Variants in RASGRF2 observed in about 807,000 individuals in gnomAD.
The protein encoded by RASGRF2 is ras-specific guanine nucleotide-releasing factor 2.
In RASGRF2, 76 loss-of-function variants were observed where a neutral mutation model predicts 151.0. That is an observed-to-expected ratio of 0.50 (90% CI 0.42 to 0.61). The LOEUF is 0.61. Ranked by LOEUF, RASGRF2 falls within the 20% of genes least tolerant of loss-of-function variation. The pLI, the probability that RASGRF2 is intolerant of heterozygous loss-of-function variation, is 0.00. For missense variants in RASGRF2, 1,148 were observed against 1,564.6 expected, an observed-to-expected ratio of 0.73 and a Z score of 4.49; for synonymous variants, 504 against 566.5, an observed-to-expected ratio of 0.89 and a Z score of 1.57.
chr5:81,191,941 G>A lies in RASGRF2; in HGVS notation c.2794-9389G>A, dbSNP rs191019833. Among the ~76,000 whole-genome samples the A allele has an allele frequency of 9.2e-5, 14 of 152,168 alleles. No homozygotes were observed. In the East Asian group the frequency reaches 1.9e-3, roughly 21 times the overall value. The stretch of plus-strand genomic sequence containing the variant: ...TTAGTGTCATTCATTGCCATTTGCC[G>A]CTTCCCAGTTATTTTTGTTCTAACA... On this transcript the variant is annotated intron_variant, in intron 18 of 26. Transcript: ENST00000265080.
intron 1 of RASGRF2, among the ~76,000 whole-genome samples, chr5:80,983,654 A>G (rs1372294007): frequency 6.6e-6 from 1 of 152,228 alleles, no homozygotes; most frequent in Non-Finnish European, 1.5e-5. Flanking sequence ...TGCACTGTTC[A>G]TTATGGTAGC....
At chr5:81,101,227 G>A (rs191857612) in intron 12 of RASGRF2, among the ~76,000 whole-genome samples, 3 of 152,262 alleles carry the variant, frequency 2.0e-5, no homozygotes, top group Non-Finnish European at 2.9e-5. Flanking sequence ...TAAGTGAACT[G>A]TATACAGGCA....
intron 19 of RASGRF2, among the ~76,000 whole-genome samples, chr5:81,202,541 G>A (rs182841820): frequency 3.3e-4 from 50 of 152,294 alleles, no homozygotes; most frequent in Middle Eastern, 3.4e-3. Flanking sequence ...TAGCCAGACC[G>A]TTCTTTGGTG....
At chr5:81,208,529 A>T in intron 22 of RASGRF2, 91 bp downstream of exon 22, 1 of 365,286 alleles carries the variant, frequency 2.7e-6, no homozygotes, top group Non-Finnish European at 4.4e-6. Flanking sequence ...CAACTCTGTC[A>T]CCCACTTTTT....
At position 81,208,438 on chromosome 5, in the gene RASGRF2, C is replaced by T. The variant is rs61759867; in HGVS notation, c.3156C>T (p.Asp1052=). The T allele has an allele frequency of 3.1e-5, 49 of 1,595,986 alleles. No homozygotes were observed. Among genetic ancestry groups the T allele is most frequent in the East Asian group, 6.9e-5 (3 of 43,476 alleles). The change falls in exon 22 of 27, where the codon GAC becomes GAT. Residue 1052 remains aspartate, a splice_region_variant and synonymous_variant. Coordinates refer to ENST00000265080, the MANE Select transcript of RASGRF2 (RefSeq NM_006909.3). ...TGAAAACCAGCCAACACTTCAATGA[C>T]GTGAGTAACCGTAACAGTAAAACCG... ...YIMKTSQHFN[D]MSNLVASQIM... is the part of the protein sequence containing the mutation.
chr5:81,123,464 G>T (rs1280333780), intron 15 of RASGRF2, among the ~76,000 whole-genome samples, 178 bp from the exon 16 acceptor site: 2 of 152,214 alleles, frequency 1.3e-5, no homozygotes, highest in Non-Finnish European at 2.9e-5. Context: ...CATCAAGACA[G>T]GGTTAGAGAA....
chr5:81,022,842 G>A (rs1046828873), intron 1 of RASGRF2, among the ~76,000 whole-genome samples: 1 of 152,174 alleles, frequency 6.6e-6, no homozygotes, highest in Non-Finnish European at 1.5e-5. Context: ...GTGTTTCACC[G>A]CTGTGACATC....
chr5:81,182,297 G>T (rs1561248892), intron 18 of RASGRF2, among the ~76,000 whole-genome samples: 2 of 152,206 alleles, frequency 1.3e-5, no homozygotes, highest in East Asian at 1.9e-4. Flanking sequence ...GCCCAAGGAA[G>T]TTCTTCCCAT....
chr5:81,178,777 C>T (rs1406737574), intron 17 of RASGRF2, among the ~76,000 whole-genome samples: 1 of 151,808 alleles, frequency 6.6e-6, no homozygotes, highest in Non-Finnish European at 1.5e-5. Context: ...CTCGCTCTGT[C>T]GCCCATGCTG....
intron 9 of RASGRF2, among the ~76,000 whole-genome samples, chr5:81,090,965 T>C (rs887084995): frequency 6.6e-6 from 1 of 152,162 alleles, no homozygotes; most frequent in Non-Finnish European, 1.5e-5. Flanking sequence ...AGTCTTTCAC[T>C]CAGCCCTAAG....
intron 1 of RASGRF2, among the ~76,000 whole-genome samples, chr5:81,011,676 G>A (rs1299876978): frequency 1.3e-5 from 2 of 151,918 alleles, no homozygotes; most frequent in African/African-American, 4.8e-5. Context: ...GGGAGGCGGA[G>A]GTTGCCATGA....
At chr5:81,159,040 A>C (rs1754322980) in intron 17 of RASGRF2, among the ~76,000 whole-genome samples, 1 of 152,248 alleles carries the variant, frequency 6.6e-6, no homozygotes, top group Non-Finnish European at 1.5e-5. Context: ...GAAACAATCC[A>C]AATGTCCATC....
chr5:81,092,022 G>A (rs1255314544), intron 9 of RASGRF2, among the ~76,000 whole-genome samples: 1 of 152,082 alleles, frequency 6.6e-6, no homozygotes, highest in Non-Finnish European at 1.5e-5. Context: ...AACTTAGATT[G>A]GAATTTTATT....
intron 17 of RASGRF2, among the ~76,000 whole-genome samples, chr5:81,138,022 G>A (rs116031781): frequency 0.017 from 2,602 of 151,442 alleles, 78 homozygotes; most frequent in African/African-American, 0.06. Flanking sequence ...AGGAACCAAG[G>A]GCTTCAAATT....
intron 25 of RASGRF2, among the ~76,000 whole-genome samples, chr5:81,218,240 T>TC (rs1329147295): frequency 6.6e-6 from 1 of 152,156 alleles, no homozygotes; most frequent in African/African-American, 2.4e-5. Context: ...TGTGGGCTGA[T>TC]TGAGGAGATT....
chr5:81,011,464 C>T (rs536300555), intron 1 of RASGRF2, among the ~76,000 whole-genome samples: 4 of 151,980 alleles, frequency 2.6e-5, no homozygotes, highest in East Asian at 1.9e-4. Flanking sequence ...ACTTGGGGCC[C>T]GGCACGGTGG....
chr5:81,170,123 TCACCTGCAC>T (rs1473698898), intron 17 of RASGRF2, among the ~76,000 whole-genome samples: 7 of 145,268 alleles, frequency 4.8e-5, no homozygotes, highest in Admixed American at 2.0e-4. Context: ...ACCACCAGCA[TCACCTGCAC>T]CACCTGCATC....
chr5:81,177,857 G>T (rs982644869), intron 17 of RASGRF2, among the ~76,000 whole-genome samples: 4 of 152,140 alleles, frequency 2.6e-5, no homozygotes, highest in African/African-American at 9.7e-5. Flanking sequence ...ATGTGCAAAG[G>T]CCCTGGGGTA....
chr5:81,032,345 A>G (rs926595556), intron 1 of RASGRF2, among the ~76,000 whole-genome samples: 1 of 152,226 alleles, frequency 6.6e-6, no homozygotes, highest in Non-Finnish European at 1.5e-5. Context: ...CACAACAAAA[A>G]AAGAGAATTT....
Sources: allele counts gnomAD v4.1 joint callset (sites outside exome capture counted in the v4.1 genomes callset), GRCh38; gene constraint gnomAD v4.1.1; transcripts MANE v1.5; gene names NCBI Gene and HGNC (gene_info 2026-07-23, HGNC 2026-07-21).